THSD4: variants seen among roughly 807,000 people sequenced by gnomAD.
THSD4 encodes thrombospondin type 1 domain containing 4.
A neutral mutation model predicts 119.0 loss-of-function variants in THSD4; 69 were observed. The observed-to-expected ratio is 0.58, with a 90% CI of 0.48 to 0.71. The LOEUF is 0.71. Among genes scored for constraint, THSD4 ranks in the 30% least tolerant of loss-of-function variants. THSD4 has a pLI of 0.00. For missense variants in THSD4, 1,393 were observed against 1,391.1 expected, an observed-to-expected ratio of 1.00 and a Z score of -0.02; for synonymous variants, 524 against 540.4, an observed-to-expected ratio of 0.97 and a Z score of 0.42.
intron 6 of THSD4, among the ~76,000 whole-genome samples, chr15:71,270,116 GA>G (rs1357802061): frequency 6.6e-6 from 1 of 152,050 alleles, no homozygotes; most frequent in Non-Finnish European, 1.5e-5. Context: ...ATTTCATATG[GA>G]ACCCAAAAAG....
At chr15:71,110,929 C>G (rs16953728), upstream of THSD4, 2,810 of 582,308 alleles carry the variant, frequency 4.8e-3, 68 homozygotes, top group African/African-American at 0.047. Flanking sequence ...TCTCCATTGT[C>G]TAGGCCTAGT....
At chr15:71,619,761 T>C (rs1433219517) in intron 7 of THSD4, among the ~76,000 whole-genome samples, 1 of 152,204 alleles carries the variant, frequency 6.6e-6, no homozygotes, top group Non-Finnish European at 1.5e-5. Context: ...TAGAACTTTA[T>C]TTGGTAGGTG....
intron 3 of THSD4, among the ~76,000 whole-genome samples, chr15:71,174,333 A>G (rs1420732768): frequency 3.9e-5 from 6 of 151,914 alleles, no homozygotes; most frequent in Non-Finnish European, 5.9e-5. Context: ...GGGAAGCGCA[A>G]GGGGTCAGGG....
intron 6 of THSD4, among the ~76,000 whole-genome samples, chr15:71,386,358 A>G (rs557007609): frequency 1.4e-4 from 21 of 152,324 alleles, no homozygotes; most frequent in Non-Finnish European, 8.8e-5. Flanking sequence ...CAAGGGTTCC[A>G]GGACTAACAT....
At chr15:71,661,409 T>A (rs1191593270) in intron 8 of THSD4, among the ~76,000 whole-genome samples, 1 of 152,012 alleles carries the variant, frequency 6.6e-6, no homozygotes. Context: ...TTATTTTTTT[T>A]TTTTGAGACA....
In THSD4 at chr15:71,421,242, C is replaced by T. The variant is rs2046803139; in HGVS notation, c.1152+9419C>T. Among the ~76,000 whole-genome samples the T allele has an allele frequency of 2.3e-5, 2 of 86,714 alleles. 1 individual carries two copies. Among genetic ancestry groups the T allele is most frequent in the African/African-American group, 7.6e-5 (2 of 26,194 alleles). 56.9% of individuals were successfully genotyped at this position (86,714 alleles called of 152,430 possible). On this transcript the variant is annotated intron_variant, in intron 7 of 17. Transcript: ENST00000261862. ...ATAATATTCTGTGTTTTTCTGTGTA[C>T]TTACTATTACCAGTGAGTTTTGTAC...
chr15:71,269,648 G>A (rs1228881513), intron 6 of THSD4, among the ~76,000 whole-genome samples: 1 of 152,208 alleles, frequency 6.6e-6, no homozygotes, highest in African/African-American at 2.4e-5. Context: ...TAGGAAGAGA[G>A]GATGTCAAAT....
chr15:71,719,934 G>A lies in THSD4; in HGVS notation c.1358-8615G>A, dbSNP rs543990579. Among the ~76,000 whole-genome samples, 3 of 151,182 alleles carry A rather than the reference G, an allele frequency of 2.0e-5. No homozygotes were observed. The South Asian group carries it at 6.3e-4, about 32-fold the overall frequency. ...CAAACGATCTGCCTGCCTCGGCCTC[G>A]CAAAGTGCTGGGATTACAGGCATGA... On this transcript the variant is annotated intron_variant, in intron 8 of 17. Transcript: ENST00000261862.
chr15:71,299,270 A>G (rs570370117), intron 6 of THSD4, among the ~76,000 whole-genome samples: 13 of 152,302 alleles, frequency 8.5e-5, no homozygotes, highest in African/African-American at 3.1e-4. Flanking sequence ...ATATTCAACT[A>G]TTTACACTGT....
chr15:71,587,897 G>A (rs1172579766), intron 7 of THSD4, among the ~76,000 whole-genome samples: 1 of 151,754 alleles, frequency 6.6e-6, no homozygotes, highest in Non-Finnish European at 1.5e-5. Context: ...TTAACTTGAG[G>A]TAACACACCC....
At chr15:71,409,279 C>T (rs2046651191) in intron 6 of THSD4, among the ~76,000 whole-genome samples, 1 of 152,018 alleles carries the variant, frequency 6.6e-6, no homozygotes. Flanking sequence ...AAGTGAGGAC[C>T]CAAAACCCTT....
At chr15:71,604,093 G>GAAAA (rs1316568960) in intron 7 of THSD4, among the ~76,000 whole-genome samples, 7 of 152,206 alleles carry the variant, frequency 4.6e-5, no homozygotes, top group Non-Finnish European at 8.8e-5. Flanking sequence ...AGATGGGCAT[G>GAAAA]AAAAATAATG....
At chr15:71,497,363 A>G (rs1335783159) in intron 7 of THSD4, among the ~76,000 whole-genome samples, 1 of 152,020 alleles carries the variant, frequency 6.6e-6, no homozygotes, top group Non-Finnish European at 1.5e-5. Context: ...AAATACAAAA[A>G]TTAGTTGGGT....
rs140006909 is a variant in THSD4, at chr15:71,290,987, C to G, written c.1015+34272C>G. On this transcript the variant is annotated intron_variant, in intron 6 of 17. Transcript: ENST00000261862. ...AAACATATTCCCCCAAATTCCATCC[C>G]ACTCCCCAGAGGCAAGTGTCTTCTG... Among the ~76,000 whole-genome samples the G allele has an allele frequency of 5.9e-5, 9 of 151,746 alleles. No homozygotes were observed. The East Asian group carries it at 1.6e-3, about 26-fold the overall frequency.
intron 7 of THSD4, among the ~76,000 whole-genome samples, chr15:71,529,303 G>T (rs1025028470): frequency 5.8e-5 from 8 of 138,754 alleles, no homozygotes; most frequent in Admixed American, 4.2e-4. Flanking sequence ...AGCTAGCTTT[G>T]CCTTAACGAA....
chr15:71,460,119 C>G (rs1331589591), intron 7 of THSD4, among the ~76,000 whole-genome samples: 1 of 152,026 alleles, frequency 6.6e-6, no homozygotes, highest in Non-Finnish European at 1.5e-5. Context: ...TTCTGTGGCC[C>G]ACGATACCAG....
chr15:71,430,911 C>T (rs2046935785), intron 7 of THSD4, among the ~76,000 whole-genome samples: 1 of 152,042 alleles, frequency 6.6e-6, no homozygotes, highest in South Asian at 2.1e-4. Flanking sequence ...GCTGTCTGGT[C>T]ATAGATGAAA....
chr15:71,397,868 C>T (rs1005580388), intron 6 of THSD4, among the ~76,000 whole-genome samples: 3 of 152,212 alleles, frequency 2.0e-5, no homozygotes, highest in African/African-American at 7.2e-5. Flanking sequence ...TATGCAGTGT[C>T]TCACACAGTA....
chr15:71,210,227 A>G (rs2043878255), intron 3 of THSD4, among the ~76,000 whole-genome samples: 1 of 152,224 alleles, frequency 6.6e-6, no homozygotes, highest in South Asian at 2.1e-4. Context: ...AACTCTAGAA[A>G]TAAACTCTAA....
Sources: allele counts gnomAD v4.1 joint callset (sites outside exome capture counted in the v4.1 genomes callset), GRCh38; gene constraint gnomAD v4.1.1; transcripts MANE v1.5; gene names NCBI Gene and HGNC (gene_info 2026-07-23, HGNC 2026-07-21).